The following SAMD3 variants were observed in gnomAD, a reference collection of about 807,000 sequenced individuals.
SAMD3 encodes the protein sterile alpha motif domain-containing protein 3.
SAMD3 carries 63 observed loss-of-function variants against 58.5 expected under a neutral mutation model. That is an observed-to-expected ratio of 1.08 (90% CI 0.88 to 1.33). The LOEUF is 1.33. Among genes scored for constraint, SAMD3 ranks in the 40% most tolerant of loss-of-function variants. SAMD3 has a pLI of 0.00. For missense variants in SAMD3, 604 were observed against 608.4 expected (o/e 0.99, Z 0.08); for synonymous variants, 220 against 210.3 (o/e 1.05, Z -0.40).
At chr6:130,228,048 A>G (rs189261720) in intron 2 of SAMD3, among the ~76,000 whole-genome samples, 25 of 152,328 alleles carry the variant, frequency 1.6e-4, no homozygotes, top group Non-Finnish European at 2.9e-5. Context: ...TAAGGATACC[A>G]GCCTATAAGG....
At chr6:130,300,117 G>A (rs892553782) in intron 2 of SAMD3, among the ~76,000 whole-genome samples, 2 of 152,102 alleles carry the variant, frequency 1.3e-5, no homozygotes, top group African/African-American at 4.8e-5. Flanking sequence ...TGTAAAGCCA[G>A]TATCATCCTG....
chr6:130,264,429 C>T (rs1392183588), intron 2 of SAMD3, among the ~76,000 whole-genome samples: 4 of 152,174 alleles, frequency 2.6e-5, no homozygotes, highest in South Asian at 2.1e-4. Flanking sequence ...TGTTCATCCC[C>T]GAGTGGATGT....
At chr6:130,342,715 T>C (rs1369056495) in intron 1 of SAMD3, among the ~76,000 whole-genome samples, 1 of 152,178 alleles carries the variant, frequency 6.6e-6, no homozygotes, top group African/African-American at 2.4e-5. Context: ...CAACACTTCA[T>C]TGTGTGGTAA....
chr6:130,355,404 A>G (rs1777796730), intron 1 of SAMD3, among the ~76,000 whole-genome samples: 1 of 152,220 alleles, frequency 6.6e-6, no homozygotes, highest in African/African-American at 2.4e-5. Flanking sequence ...AGCCTAGGTG[A>G]CAGAGTGAGA....
At chr6:130,285,821 A>C (rs1775136145) in intron 2 of SAMD3, among the ~76,000 whole-genome samples, 1 of 152,218 alleles carries the variant, frequency 6.6e-6, no homozygotes, top group African/African-American at 2.4e-5. Flanking sequence ...TGCAAAGATA[A>C]CTAAGACAAG....
intron 2 of SAMD3, among the ~76,000 whole-genome samples, chr6:130,301,433 G>A (rs1020455840): frequency 5.3e-5 from 8 of 152,074 alleles, no homozygotes; most frequent in Non-Finnish European, 8.8e-5. Flanking sequence ...GATCACCGAT[G>A]GCGCAAACAA....
chr6:130,236,384 C>CTG lies in SAMD3; in HGVS notation c.-187-13572_-187-13571insCA, dbSNP rs1554265702. Among the ~76,000 whole-genome samples, 9 of 139,822 alleles carry CTG rather than the reference C, an allele frequency of 6.4e-5. No homozygotes were observed. The East Asian group carries it at 1.9e-3, about 29-fold the overall frequency. 91.7% of individuals were successfully genotyped at this position (139,822 alleles called of 152,430 possible). ...AAGAAGAAAGCAAGAAAATGATTGA[C>CTG]TTTTTTTTTTTTTTTCCGAGATGGA... On this transcript the variant is annotated intron_variant, in intron 2 of 13. Coordinates refer to the SAMD3 transcript ENST00000368134.
At chr6:130,278,756 G>A (rs1774873806) in intron 2 of SAMD3, among the ~76,000 whole-genome samples, 1 of 152,138 alleles carries the variant, frequency 6.6e-6, no homozygotes, top group Non-Finnish European at 1.5e-5. Context: ...ATATTTTCCT[G>A]CACAATAAGG....
chr6:130,180,953 C>CTTTTTTTTTTTTTTTTTTTT (rs370213784), intron 7 of SAMD3, among the ~76,000 whole-genome samples: 3 of 117,358 alleles, frequency 2.6e-5, no homozygotes, highest in Admixed American at 9.1e-5. Context: ...TTCTTTCTTT[C>CTTTTTTTTTTTTTTTTTTTT]TTTTTTCTTT....
intron 2 of SAMD3, among the ~76,000 whole-genome samples, chr6:130,309,148 C>A (rs1388623481): frequency 6.6e-6 from 1 of 152,120 alleles, no homozygotes; most frequent in Non-Finnish European, 1.5e-5. Flanking sequence ...GCACTGTAGT[C>A]ATAACTTAAA....
intron 1 of SAMD3, among the ~76,000 whole-genome samples, chr6:130,336,644 T>C (rs752841578): frequency 2.0e-5 from 3 of 152,240 alleles, no homozygotes; most frequent in Non-Finnish European, 2.9e-5. Flanking sequence ...TGCTTATATG[T>C]TGTGGCTTAA....
chr6:130,162,941 C>A (rs1790399053), intron 8 of SAMD3, among the ~76,000 whole-genome samples: 1 of 152,040 alleles, frequency 6.6e-6, no homozygotes, highest in South Asian at 2.1e-4. Flanking sequence ...ATTTAATTGT[C>A]ATTTTTATTA....
chr6:130,255,753 C>T (rs1477083858), intron 2 of SAMD3, among the ~76,000 whole-genome samples: 1 of 152,032 alleles, frequency 6.6e-6, no homozygotes, highest in Non-Finnish European at 1.5e-5. Context: ...CTCAGCCTCC[C>T]AAAGTGCTGG....
chr6:130,324,024 A>AT (rs1259553386), intron 1 of SAMD3, among the ~76,000 whole-genome samples: 1 of 152,194 alleles, frequency 6.6e-6, no homozygotes, highest in Non-Finnish European at 1.5e-5. Flanking sequence ...ACACTCTGGC[A>AT]TTTAACATCT....
chr6:130,275,866 T>C (rs1392592554), intron 2 of SAMD3, among the ~76,000 whole-genome samples: 1 of 152,108 alleles, frequency 6.6e-6, no homozygotes, highest in Non-Finnish European at 1.5e-5. Context: ...ATTATGACCT[T>C]GCTCGGACAT....
chr6:130,160,994 G>A (rs1191846756), intron 8 of SAMD3: 2 of 150,890 alleles, frequency 1.3e-5, no homozygotes, highest in African/African-American at 4.9e-5. Context: ...GCAAAACTAA[G>A]CAATATATCC....
At chr6:130,346,830 C>T (rs758090402) in intron 1 of SAMD3, among the ~76,000 whole-genome samples, 30 of 152,308 alleles carry the variant, frequency 2.0e-4, no homozygotes, top group Non-Finnish European at 3.7e-4. Flanking sequence ...GGCACCCCCC[C>T]AGTAGGGGTG....
At chr6:130,176,109 C>A in intron 7 of SAMD3, 101 bp from the exon 8 acceptor site, 1 of 921,992 alleles carries the variant, frequency 1.1e-6, no homozygotes. Flanking sequence ...CATCTTTGGG[C>A]TTGAAATTAT....
chr6:130,312,631 T>G (rs976151672), intron 2 of SAMD3, among the ~76,000 whole-genome samples: 1 of 152,264 alleles, frequency 6.6e-6, no homozygotes, highest in Admixed American at 6.5e-5. Flanking sequence ...TTCTGTGCCT[T>G]GACTTTTCTT....
Sources: allele counts gnomAD v4.1 joint callset (sites outside exome capture counted in the v4.1 genomes callset), GRCh38; gene constraint gnomAD v4.1.1; transcripts MANE v1.5; gene names NCBI Gene and HGNC (gene_info 2026-07-23, HGNC 2026-07-21).